Variants in NKAPL observed in about 807,000 individuals in gnomAD.
NKAPL encodes the protein NFKB activating protein like.
In NKAPL, 7 loss-of-function variants were observed where a neutral mutation model predicts 14.7. The observed-to-expected ratio is 0.48, with a 90% CI of 0.27 to 0.89. NKAPL has a LOEUF of 0.89. NKAPL is among the 40% of genes least tolerant of loss of function. NKAPL has a pLI of 0.12. For synonymous variants in NKAPL, 192 were observed against 179.9 expected (o/e 1.07, Z -0.54); for missense variants, 466 against 494.1 (o/e 0.94, Z 0.54).
chr6:28,259,895 A>G lies in NKAPL; in HGVS notation c.524A>G (p.His175Arg), dbSNP rs1378234986. 3 of 1,613,774 alleles carry G rather than the reference A, an allele frequency of 1.9e-6. No homozygotes were observed. Among genetic ancestry groups the G allele is most frequent in the Non-Finnish European group, 2.5e-6 (3 of 1,180,016 alleles). Reference protein sequence around the residue: ...SSSSDSNSEEHRKKKTSRSRN... With the variant: ...SSSSDSNSEERRKKKTSRSRN... ...AGTTCAGATTCCAACTCGGAAGAAC[A>G]TAGGAAAAAGAAGACCAGTCGTTCA... Residue 175 changes from histidine (H) to arginine (R), a missense_variant, in exon 1 of 1, where the codon CAT becomes CGT. His to Arg is a conservative substitution (Grantham distance 29, BLOSUM62 0). Transcript: ENST00000343684.
At position 28,260,620 on chromosome 6, in the gene NKAPL, A is replaced by G; in HGVS notation, c.*40A>G. ...CACAGCAGGAATTTTAACAACAAAA[A>G]TTTTATGTGACCAAAAGTGTTAAAA... On this transcript the variant is annotated 3_prime_UTR_variant, in exon 1 of 1. Transcript: ENST00000343684. 6.4e-7 allele frequency: 1 copy of G among 1,574,480 alleles called. No homozygotes were observed. Among genetic ancestry groups the G allele is most frequent in the Non-Finnish European group, 8.6e-7 (1 of 1,162,730 alleles).
Position 28,259,738 on chromosome 6 carries a change from A to C in NKAPL, c.367A>C (p.Lys123Gln). The C allele has an allele frequency of 6.2e-7, 1 of 1,614,194 alleles. No homozygotes were observed. The highest frequency in any genetic ancestry group is 8.5e-7 in the Non-Finnish European group (1 of 1,180,024). Reference protein sequence around the residue: ...KEESHRQRRLKERERIGELGA... With the variant: ...KEESHRQRRLQERERIGELGA... ...AGAGAGCCATCGGCAGAGGAGGCTG[A>C]AGGAGAGAGAGAGGATTGGGGAATT... The change falls in exon 1 of 1, where the codon AAG becomes CAG. Residue 123 changes from lysine (K) to glutamine (Q), a missense_variant. By Grantham distance (53) the Lys-to-Gln change is moderately conservative. Transcript: ENST00000343684.
Position 28,260,463 on chromosome 6 carries a change from T to G in NKAPL, c.1092T>G (p.Asp364Glu). 1 of 1,614,138 alleles carries G rather than the reference T, an allele frequency of 6.2e-7. No individual in the cohort carries two copies. Among genetic ancestry groups the G allele is most frequent in the South Asian group, 1.1e-5 (1 of 91,088 alleles). The change falls in exon 1 of 1, where the codon GAT becomes GAG. Residue 364 changes from aspartate (D) to glutamate (E), a missense_variant. Asp to Glu is a conservative substitution (Grantham distance 45). Transcript: ENST00000343684. ...LRKENQIYSA[D>E]EKRALASFNQ... is the part of the protein sequence containing the mutation. Reference sequence around the variant, plus strand: ...AGGAGAACCAGATCTACAGTGCTGATGAGAAGAGAGCTCTTGCATCCTTTA... The same window carrying G: ...AGGAGAACCAGATCTACAGTGCTGAGGAGAAGAGAGCTCTTGCATCCTTTA...
In NKAPL at chr6:28,260,234, C is replaced by G. The variant is rs752070953; in HGVS notation, c.863C>G (p.Ser288Cys). ...IGPEAPIIHT[S>C]QDEKPLKYGH... ...CCAGAAGCACCTATAATACATACCTCTCAAGATGAAAAACCTTTGAAGTAT... is the reference window on the plus strand; with the variant it reads ...CCAGAAGCACCTATAATACATACCTGTCAAGATGAAAAACCTTTGAAGTAT... Residue 288 changes from serine to cysteine, a missense_variant, in exon 1 of 1, where the codon TCT becomes TGT. Physicochemically the swap from Ser to Cys is moderately radical, Grantham distance 112. Transcript: ENST00000343684. The G allele has an allele frequency of 1.2e-6, 2 of 1,614,050 alleles. No individual in the cohort carries two copies. Among genetic ancestry groups the G allele is most frequent in the Non-Finnish European group, 8.5e-7 (1 of 1,180,036 alleles).
chr6:28,260,473 G>A lies in NKAPL; in HGVS notation c.1102G>A (p.Ala368Thr). The stretch of plus-strand genomic sequence containing the variant: ...GATCTACAGTGCTGATGAGAAGAGA[G>A]CTCTTGCATCCTTTAACCAAGAAGA... ...NQIYSADEKR[A>T]LASFNQEERR... Residue 368 changes from alanine (A) to threonine (T), a missense_variant, in exon 1 of 1, where the codon GCT becomes ACT. Physicochemically the swap from Ala to Thr is moderately conservative, Grantham distance 58 (BLOSUM62 0). Coordinates refer to ENST00000343684, the MANE Select transcript of NKAPL (RefSeq NM_001007531.3). 6.2e-7 allele frequency: 1 copy of A among 1,614,164 alleles called. No individual in the cohort carries two copies. The highest frequency in any genetic ancestry group is 8.5e-7 in the Non-Finnish European group (1 of 1,180,018).
At position 28,260,379 on chromosome 6, in the gene NKAPL, C is replaced by T; in HGVS notation, c.1008C>T (p.Cys336=). The T allele has an allele frequency of 6.2e-7, 1 of 1,614,112 alleles. No individual in the cohort carries two copies. The highest frequency in any genetic ancestry group is 1.1e-5 in the South Asian group (1 of 91,084). The change falls in exon 1 of 1, where the codon TGC becomes TGT. Residue 336 remains cysteine, a synonymous_variant. Coordinates refer to ENST00000343684, the MANE Select transcript of NKAPL (RefSeq NM_001007531.3). ...LTSEEIGSFE[C]SGYVMSGSRH... is the part of the protein sequence containing the mutation. The stretch of plus-strand genomic sequence containing the variant: ...GTGAAGAGATCGGTTCTTTTGAATG[C>T]TCAGGTTATGTCATGAGTGGTAGCA...
chr6:28,259,676 C>G lies in NKAPL; in HGVS notation c.305C>G (p.Ala102Gly). 1 of 1,614,210 alleles carries G rather than the reference C, an allele frequency of 6.2e-7. No individual in the cohort carries two copies. The highest frequency in any genetic ancestry group is 2.2e-5 in the East Asian group (1 of 44,876). Residue 102 changes from alanine to glycine, a missense_variant, in exon 1 of 1, where the codon GCA (alanine) becomes GGA (glycine). Ala to Gly is a moderately conservative substitution (Grantham distance 60). Transcript: ENST00000343684. ...SGYRYHRHCYAEERQSAEDYE... is the reference protein window; with the variant it reads ...SGYRYHRHCYGEERQSAEDYE... ...TATCGCTACCATCGTCACTGCTATG[C>G]AGAAGAACGGCAGTCAGCGGAAGAC... is the stretch of plus-strand genomic sequence containing the variant.
rs1386220194 is a variant in NKAPL at position 28,260,282 on chromosome 6, A to C, written c.911A>C (p.Glu304Ala). The change falls in exon 1 of 1, where the codon GAA (glutamate) becomes GCA (alanine). Residue 304 changes from glutamate (E) to alanine (A), a missense_variant. Transcript: ENST00000343684. ...LKYGHALLPG[E>A]GAAMAEYVKA... ...TATGGCCATGCTTTGCTTCCCGGTG[A>C]AGGTGCAGCTATGGCTGAGTATGTA... is the stretch of plus-strand genomic sequence containing the variant. The C allele has an allele frequency of 1.2e-6, 2 of 1,614,058 alleles. No individual in the cohort carries two copies. The highest frequency in any genetic ancestry group is 1.7e-6 in the Non-Finnish European group (2 of 1,180,046).
Position 28,260,258 on chromosome 6 carries a change from A to G in NKAPL, c.887A>G (p.Tyr296Cys). 6.2e-7 allele frequency: 1 copy of G among 1,614,178 alleles called. No individual in the cohort carries two copies. Among genetic ancestry groups the G allele is most frequent in the Non-Finnish European group, 8.5e-7 (1 of 1,180,028 alleles). Residue 296 changes from tyrosine (Y) to cysteine (C), a missense_variant, in exon 1 of 1, where the codon TAT becomes TGT. Coordinates refer to ENST00000343684, the MANE Select transcript of NKAPL (RefSeq NM_001007531.3). ...TCTCAAGATGAAAAACCTTTGAAGTATGGCCATGCTTTGCTTCCCGGTGAA... is the reference window on the plus strand; with the variant it reads ...TCTCAAGATGAAAAACCTTTGAAGTGTGGCCATGCTTTGCTTCCCGGTGAA... ...HTSQDEKPLKYGHALLPGEGA... is the reference protein window; with the variant it reads ...HTSQDEKPLKCGHALLPGEGA...
chr6:28,260,832 C>T lies in NKAPL; in HGVS notation c.*252C>T, dbSNP rs1400868508. 1 of 395,102 alleles carries T rather than the reference C, an allele frequency of 2.5e-6. No individual in the cohort carries two copies. Among genetic ancestry groups the T allele is most frequent in the Non-Finnish European group, 4.7e-6 (1 of 213,134 alleles). 24.5% of individuals were successfully genotyped at this position (395,102 alleles called of 1,614,324 possible). ...AAAAGTGAATCTTTCACTTTAGCCC[C>T]TGACACCTTTCCCCCAAAAATATAT... On this transcript the variant is annotated 3_prime_UTR_variant, in exon 1 of 1. Transcript: ENST00000343684.
rs1761295146 is a variant in NKAPL at position 28,259,641 on chromosome 6, G to C, written c.270G>C (p.Ser90=). 2 of 1,614,240 alleles carry C rather than the reference G, an allele frequency of 1.2e-6. No homozygotes were observed. Among genetic ancestry groups the C allele is most frequent in the Admixed American group, 1.7e-5 (1 of 60,034 alleles). ...CCTTCGCGTCCTCCTGGTCGACCTC[G>C]TATAGTGGATATCGCTACCATCGTC... ...NYAFASSWST[S]YSGYRYHRHC... Residue 90 remains serine (S), a synonymous_variant, in exon 1 of 1, where the codon TCG becomes TCC. Transcript: ENST00000343684.
rs749523166 is a variant in NKAPL, at chr6:28,260,320, C to A, written c.949C>A (p.Arg317=). 1 of 1,614,118 alleles carries A rather than the reference C, an allele frequency of 6.2e-7. No individual in the cohort carries two copies. Among genetic ancestry groups the A allele is most frequent in the South Asian group, 1.1e-5 (1 of 91,076 alleles). Residue 317 remains arginine, a synonymous_variant, in exon 1 of 1, where the codon CGA becomes AGA. Transcript: ENST00000343684. ...GGCTGAGTATGTAAAAGCTGGAAAG[C>A]GAATCCCACGAAGAGGTGAAATTGG... ...AMAEYVKAGK[R]IPRRGEIGLT...
At position 28,259,309 on chromosome 6, in the gene NKAPL, T is replaced by C. The variant is rs529227447; in HGVS notation, c.-63T>C. ...GGAGGCCGATTCTAGTGCGCCTGCG[T>C]GGCCGCGAATCACCAGCCAGCCTCT... is the stretch of plus-strand genomic sequence containing the variant. On this transcript the variant is annotated 5_prime_UTR_variant, in exon 1 of 1. Coordinates refer to ENST00000343684, the MANE Select transcript of NKAPL (RefSeq NM_001007531.3). 16 of 1,421,970 alleles carry C rather than the reference T, an allele frequency of 1.1e-5. No individual in the cohort carries two copies. Among genetic ancestry groups the C allele is most frequent in the South Asian group, 1.5e-5 (1 of 66,916 alleles). The allele number at this position is 1,421,970 out of a possible 1,614,324, so 88.1% of individuals were successfully genotyped here.
chr6:28,259,371 C>T lies in NKAPL; in HGVS notation c.-1C>T, dbSNP rs769500161. The T allele has an allele frequency of 1.9e-5, 30 of 1,568,088 alleles. No homozygotes were observed. Among genetic ancestry groups the T allele is most frequent in the East Asian group, 1.1e-4 (5 of 44,088 alleles). Reference sequence around the variant, plus strand: ...AACCGCCCAGCGTTGAGGCGCGGCTCATGCCCCCAGTATCCCGGTCCAGCT... The same window carrying T: ...AACCGCCCAGCGTTGAGGCGCGGCTTATGCCCCCAGTATCCCGGTCCAGCT... On this transcript the variant is annotated 5_prime_UTR_variant, in exon 1 of 1. Transcript: ENST00000343684.
Position 28,260,293 on chromosome 6 carries a change from A to G in NKAPL, c.922A>G (p.Met308Val), listed in dbSNP as rs1761317675. 1 of 1,614,206 alleles carries G rather than the reference A, an allele frequency of 6.2e-7. No individual in the cohort carries two copies. Among genetic ancestry groups the G allele is most frequent in the Non-Finnish European group, 8.5e-7 (1 of 1,180,030 alleles). The change falls in exon 1 of 1, where the codon ATG (methionine) becomes GTG (valine). Residue 308 changes from methionine (M) to valine (V), a missense_variant. Transcript: ENST00000343684. ...HALLPGEGAA[M>V]AEYVKAGKRI... ...TTTGCTTCCCGGTGAAGGTGCAGCT[A>G]TGGCTGAGTATGTAAAAGCTGGAAA...
At position 28,260,709 on chromosome 6, in the gene NKAPL, A is replaced by G; in HGVS notation, c.*129A>G. On this transcript the variant is annotated 3_prime_UTR_variant, in exon 1 of 1. Transcript: ENST00000343684. ...CCCTCAGGAAAAAGCTTCTTTTGAG[A>G]TATCTTTAGCAGCTTATTTTTTGTT... The G allele has an allele frequency of 8.6e-7, 1 of 1,160,170 alleles. No homozygotes were observed. Among genetic ancestry groups the G allele is most frequent in the Non-Finnish European group, 1.2e-6 (1 of 843,366 alleles). The allele number at this position is 1,160,170 out of a possible 1,614,324, so 71.9% of individuals were successfully genotyped here.
chr6:28,260,880 A>C lies in NKAPL; in HGVS notation c.*300A>C. The C allele has an allele frequency of 3.9e-6, 1 of 255,994 alleles. No homozygotes were observed. The highest frequency in any genetic ancestry group is 8.0e-6 in the Non-Finnish European group (1 of 125,102). 15.9% of individuals were successfully genotyped at this position (255,994 alleles called of 1,614,324 possible). On this transcript the variant is annotated 3_prime_UTR_variant, in exon 1 of 1. Coordinates refer to ENST00000343684, the MANE Select transcript of NKAPL (RefSeq NM_001007531.3). ...TATATTTTGGTGTCTTATATACAGA[A>C]TATACATTCTGTGCATATACAAGAG...
Position 28,259,708 on chromosome 6 carries a change from A to G in NKAPL, c.337A>G (p.Lys113Glu), listed in dbSNP as rs762413216. Residue 113 changes from lysine (K) to glutamate (E), a missense_variant, in exon 1 of 1, where the codon AAG (lysine) becomes GAG (glutamate). Coordinates refer to ENST00000343684, the MANE Select transcript of NKAPL (RefSeq NM_001007531.3). ...EERQSAEDYE[K>E]EESHRQRRLK... is the part of the protein sequence containing the mutation. Reference sequence around the variant, plus strand: ...ACGGCAGTCAGCGGAAGACTACGAGAAGGAAGAGAGCCATCGGCAGAGGAG... The same window carrying G: ...ACGGCAGTCAGCGGAAGACTACGAGGAGGAAGAGAGCCATCGGCAGAGGAG... 6.2e-7 allele frequency: 1 copy of G among 1,614,224 alleles called. No individual in the cohort carries two copies. Among genetic ancestry groups the G allele is most frequent in the Non-Finnish European group, 8.5e-7 (1 of 1,180,044 alleles).
Position 28,259,410 on chromosome 6 carries a change from C to G in NKAPL, c.39C>G (p.Ile13Met). The change falls in exon 1 of 1, where the codon ATC becomes ATG. Residue 13 changes from isoleucine (I) to methionine (M), a missense_variant. Physicochemically the swap from Ile to Met is conservative, Grantham distance 10. Transcript: ENST00000343684. ...CCCGGTCCAGCTATTCCGAGGACATCGTGGGCTCTCGGAGAAGGCGACGCA... is the reference window on the plus strand; with the variant it reads ...CCCGGTCCAGCTATTCCGAGGACATGGTGGGCTCTCGGAGAAGGCGACGCA... Reference protein sequence around the residue: ...PVSRSSYSEDIVGSRRRRRSS... With the variant: ...PVSRSSYSEDMVGSRRRRRSS... 6.2e-7 allele frequency: 1 copy of G among 1,606,232 alleles called. No homozygotes were observed. Among genetic ancestry groups the G allele is most frequent in the Non-Finnish European group, 8.5e-7 (1 of 1,174,624 alleles).
Sources: allele counts gnomAD v4.1 joint callset, GRCh38; gene constraint gnomAD v4.1.1; transcripts MANE v1.5; gene names NCBI Gene and HGNC (gene_info 2026-07-23, HGNC 2026-07-21).